The following AMOT variants were observed in gnomAD, a reference collection of about 807,000 sequenced individuals.
The protein encoded by AMOT is angiomotin.
A neutral mutation model predicts 67.0 loss-of-function variants in AMOT; 11 were observed. The observed-to-expected ratio is 0.16, with a 90% CI of 0.10 to 0.27. The LOEUF (loss-of-function observed/expected upper bound fraction) is 0.27, where lower values mean the gene tolerates loss of function less well. Ranked by LOEUF, AMOT falls within the 10% of genes least tolerant of loss-of-function variation. The pLI is 1.00. For synonymous variants in AMOT, 326 were observed against 321.4 expected (o/e 1.01, Z -0.15); for missense variants, 753 against 852.0 (o/e 0.88, Z 1.45).
intron 1 of AMOT, among the ~76,000 whole-genome samples, chrX:112,835,276 C>T (rs1214366701): frequency 9.0e-6 from 1 of 111,459 alleles, no homozygotes. Context: ...AAAACCAGAT[C>T]CTGGCTTCAA....
At chrX:112,781,613 C>CT (rs756082690) in intron 11 of AMOT, among the ~76,000 whole-genome samples, 1 of 110,298 alleles carries the variant, frequency 9.1e-6, no homozygotes, top group East Asian at 2.8e-4. Context: ...CATGTTTTTT[C>CT]TTTTTTCTGC....
rs1249318232 is a variant in AMOT at position 112,832,312 on chromosome X, C to G, written c.-230G>C. On this transcript the variant is annotated 5_prime_UTR_variant, in exon 2 of 14. Coordinates refer to ENST00000371959, the MANE Select transcript of AMOT (RefSeq NM_001113490.2). ...TTATTACCTTTAGTTTCTCAGCCTT[C>G]CTTCTAAGGAGACAAAAGCTCTTTC... The G allele has an allele frequency of 1.8e-5, 2 of 111,924 alleles. No individual in the cohort carries two copies. Among genetic ancestry groups the G allele is most frequent in the Non-Finnish European group, 3.8e-5 (2 of 53,253 alleles). The allele number at this position is 111,924 out of a possible 1,213,427, so 9.2% of individuals were successfully genotyped here. A position where few individuals can be genotyped will look rare whatever the true frequency, so the allele number is the denominator to read the frequency against.
chrX:112,804,929 T>A lies in AMOT; in HGVS notation c.1776+18A>T. 3.0e-6 allele frequency: 2 copies of A among 673,993 alleles called. No individual in the cohort carries two copies. The highest frequency in any genetic ancestry group is 4.4e-6 in the Non-Finnish European group (2 of 459,063). The allele number at this position is 673,993 out of a possible 1,213,427, so 55.5% of individuals were successfully genotyped here. ...CCCTCCCACCCCCAGGCTCATATGC[T>A]ACCTGAGGAAACCATACCTCTTCTT... On this transcript the variant is annotated intron_variant, in intron 8 of 13. Transcript: ENST00000371959.
At chrX:112,796,988 C>T (rs908443504) in intron 8 of AMOT, among the ~76,000 whole-genome samples, 14 of 112,085 alleles carry the variant, frequency 1.2e-4, no homozygotes, top group African/African-American at 4.5e-4. Context: ...AGAAACTTTG[C>T]TCAACATTGC....
At chrX:112,810,081 C>T in intron 6 of AMOT, 95 bp from the exon 7 acceptor site, 1 of 681,399 alleles carries the variant, frequency 1.5e-6, no homozygotes, top group Non-Finnish European at 2.2e-6. Context: ...TAAAACAAGC[C>T]TGTTTCTTCT....
intron 10 of AMOT, among the ~76,000 whole-genome samples, chrX:112,783,385 G>C: frequency 9.0e-6 from 1 of 110,997 alleles, no homozygotes; most frequent in Non-Finnish European, 1.9e-5. Context: ...AAGAAAGTCA[G>C]AGGGTATACT....
In AMOT at chrX:112,815,797, C is replaced by A; in HGVS notation, c.953G>T (p.Gly318Val). 1.7e-6 allele frequency: 2 copies of A among 1,167,076 alleles called. No individual in the cohort carries two copies. Among genetic ancestry groups the A allele is most frequent in the Non-Finnish European group, 2.3e-6 (2 of 872,915 alleles). Residue 318 changes from glycine (G) to valine (V), a missense_variant, in exon 5 of 14, where the codon GGG becomes GTG. Gly to Val is a moderately radical substitution (Grantham distance 109). Coordinates refer to ENST00000371959, the MANE Select transcript of AMOT (RefSeq NM_001113490.2). ...TGGAGATTGTAGCAAGGGCAAGGAC[C>A]CCCCAGAGGTCAGAGAAGAAGTAGG... ...HSPTSSLTSG[G>V]SLPLLQSPPS...
intron 7 of AMOT, among the ~76,000 whole-genome samples, chrX:112,809,400 G>C (rs1179443697): frequency 9.0e-6 from 1 of 111,171 alleles, no homozygotes; most frequent in African/African-American, 3.3e-5. Flanking sequence ...CAACTCTGCA[G>C]CCAGAGTCAC....
chrX:112,786,082 C>T (rs747287703), intron 10 of AMOT, among the ~76,000 whole-genome samples: 13 of 111,579 alleles, frequency 1.2e-4, no homozygotes, highest in African/African-American at 4.2e-4. Context: ...GTTACTATTA[C>T]GGTTATTATC....
chrX:112,778,061 T>C lies in AMOT; in HGVS notation c.*506A>G, dbSNP rs1254860200. 8.9e-6 allele frequency: 1 copy of C among 111,737 alleles called. No individual in the cohort carries two copies. The highest frequency in any genetic ancestry group is 1.9e-5 in the Non-Finnish European group (1 of 53,223). 9.2% of individuals were successfully genotyped at this position (111,737 alleles called of 1,213,427 possible). A position where few individuals can be genotyped will look rare whatever the true frequency, so the allele number is the denominator to read the frequency against. On this transcript the variant is annotated 3_prime_UTR_variant, in exon 14 of 14. Coordinates refer to ENST00000371959, the MANE Select transcript of AMOT (RefSeq NM_001113490.2). ...CTCCCTACCTTTTTTCCAGCTTACA[T>C]AGCTCCTGAAACTATTCCCTTTTGT...
At chrX:112,834,172 C>A (rs1935074327) in intron 1 of AMOT, among the ~76,000 whole-genome samples, 1 of 111,899 alleles carries the variant, frequency 8.9e-6, no homozygotes, top group African/African-American at 3.2e-5. Flanking sequence ...CCCCTTCCCA[C>A]AAATATTCCA....
In AMOT at chrX:112,795,961, C is replaced by T. The variant is rs542600968; in HGVS notation, c.1777-3980G>A. On this transcript the variant is annotated intron_variant, in intron 8 of 13. Coordinates refer to ENST00000371959, the MANE Select transcript of AMOT (RefSeq NM_001113490.2). ...GGTTCCTGAATAGCCCATAATATTTCACCCCTCACTGCCTTTGCACATGAT... is the reference window on the plus strand; with the variant it reads ...GGTTCCTGAATAGCCCATAATATTTTACCCCTCACTGCCTTTGCACATGAT... Among the ~76,000 whole-genome samples the T allele has an allele frequency of 2.4e-4, 26 of 110,043 alleles. No individual in the cohort carries two copies. In the South Asian group the frequency reaches 8.8e-3, roughly 37 times the overall value.
In AMOT at chrX:112,819,610, TAGAA is replaced by T. The variant is rs751384333; in HGVS notation, c.872+2641_872+2644del. On this transcript the variant is annotated intron_variant, in intron 4 of 13. Transcript: ENST00000371959. The stretch of plus-strand genomic sequence containing the variant: ...CAGGATGCAGAAAAGGTTCAGCACT[TAGAA>T]AGACAAAGATTCTGAAATTTTAAAA... Among the ~76,000 whole-genome samples, 34 of 112,636 alleles carry T rather than the reference TAGAA, an allele frequency of 3.0e-4. No homozygotes were observed. In the East Asian group the frequency reaches 6.7e-3, roughly 22 times the overall value.
At chrX:112,808,231 C>A (rs192413214) in intron 7 of AMOT, among the ~76,000 whole-genome samples, 1 of 112,154 alleles carries the variant, frequency 8.9e-6, no homozygotes. Context: ...CTATTCTCCT[C>A]TCCAATTTGC....
At chrX:112,806,590 T>C (rs1569398722) in intron 7 of AMOT, among the ~76,000 whole-genome samples, 2 of 109,770 alleles carry the variant, frequency 1.8e-5, no homozygotes, top group Admixed American at 9.8e-5. Flanking sequence ...ATAAGAAAAA[T>C]AGAGGAAGAA....
chrX:112,798,990 G>A (rs1360441711), intron 8 of AMOT, among the ~76,000 whole-genome samples: 1 of 111,897 alleles, frequency 8.9e-6, no homozygotes, highest in Non-Finnish European at 1.9e-5. Context: ...AACTGTGGGT[G>A]TCTTTCAAAC....
In AMOT at chrX:112,822,327, C is replaced by T. The variant is rs1177919401; in HGVS notation, c.800G>A (p.Arg267His). Residue 267 changes from arginine to histidine, a missense_variant, in exon 4 of 14, where the codon CGC becomes CAC. Arg to His is a conservative substitution (Grantham distance 29). This residue lies in a region of AMOT where 297 missense variants were observed against 284.3 expected (regional missense o/e 1.04). Coordinates refer to ENST00000371959, the MANE Select transcript of AMOT (RefSeq NM_001113490.2). ...CTCTGTTCTCCCTGGCTGGTTCAGG[C>T]GATGCTCACTATAGAAGTGCCCTGG... ...QEPGHFYSEH[R>H]LNQPGRTEGQ... 4.4e-6 allele frequency: 5 copies of T among 1,138,445 alleles called. No homozygotes were observed. The highest frequency in any genetic ancestry group is 4.2e-5 in the South Asian group (2 of 47,494). The allele number at this position is 1,138,445 out of a possible 1,213,427, so 93.8% of individuals were successfully genotyped here.
At chrX:112,798,064 T>C (rs1311952260) in intron 8 of AMOT, among the ~76,000 whole-genome samples, 1 of 111,811 alleles carries the variant, frequency 8.9e-6, no homozygotes, top group Non-Finnish European at 1.9e-5. Flanking sequence ...TCAAACTACT[T>C]GATGCTTTTA....
At chrX:112,783,242 G>A (rs1032805008) in intron 10 of AMOT, among the ~76,000 whole-genome samples, 1 of 106,339 alleles carries the variant, frequency 9.4e-6, no homozygotes, top group African/African-American at 3.5e-5. Flanking sequence ...TTGTTGTGAG[G>A]TGAGATCGAG....
Sources: gnomAD v4.1 joint callset for allele counts (sites outside exome capture counted in the v4.1 genomes callset) on GRCh38, gnomAD v4.1.1 for gene constraint, gnomAD v4.1.1 regional missense constraint, MANE v1.5 for transcripts, NCBI Gene and HGNC (gene_info 2026-07-23, HGNC 2026-07-21) for gene names.